Variants in KIAA1958 observed in about 807,000 individuals in gnomAD.
The protein encoded by KIAA1958 is KIAA1958, also known as uncharacterized protein KIAA1958.
A neutral mutation model predicts 47.2 loss-of-function variants in KIAA1958; 14 were observed. The ratio of observed to expected loss-of-function variants is 0.30; its 90% CI spans 0.20 to 0.46. The LOEUF (loss-of-function observed/expected upper bound fraction) is 0.46. KIAA1958 is among the 20% of genes least tolerant of loss of function. The pLI, the probability that KIAA1958 is intolerant of heterozygous loss-of-function variation, is 1.00. For missense variants in KIAA1958, 803 were observed against 909.2 expected, an observed-to-expected ratio of 0.88 and a Z score of 1.50; for synonymous variants, 354 against 353.3, an observed-to-expected ratio of 1.00 and a Z score of -0.02.
In KIAA1958 at chr9:112,575,861, A is replaced by G. The variant is rs554714214; in HGVS notation, c.1171+610A>G. ...GGGAATGGATTGAGAGGAGAATGAA[A>G]TAATTGTACGAGGCCCCTGCACCTG... On this transcript the variant is annotated intron_variant, in intron 2 of 3. Transcript: ENST00000337530. Among the ~76,000 whole-genome samples, 224 of 152,330 alleles carry G rather than the reference A, an allele frequency of 1.5e-3. 1 individual carries two copies. Among genetic ancestry groups the G allele is most frequent in the African/African-American group, 4.9e-3 (202 of 41,568 alleles).
At chr9:112,654,393 CT>C (rs1242544851) in intron 3 of KIAA1958, among the ~76,000 whole-genome samples, 1 of 152,106 alleles carries the variant, frequency 6.6e-6, no homozygotes, top group Non-Finnish European at 1.5e-5. Flanking sequence ...CAGAATCCTT[CT>C]TTTTGGTGTT....
chr9:112,534,418 T>C (rs1029628185), intron 1 of KIAA1958, among the ~76,000 whole-genome samples: 9 of 152,248 alleles, frequency 5.9e-5, no homozygotes, highest in Non-Finnish European at 1.3e-4. Context: ...TTAATTTGCA[T>C]TTTTAATTAG....
chr9:112,547,143 G>A (rs552592222), intron 1 of KIAA1958, among the ~76,000 whole-genome samples: 16 of 151,970 alleles, frequency 1.1e-4, no homozygotes, highest in Non-Finnish European at 1.8e-4. Flanking sequence ...TTGGGAGGCC[G>A]AGGCGGGTAG....
intron 1 of KIAA1958, 109 bp from the exon 2 acceptor site, chr9:112,573,948 T>A: frequency 1.7e-6 from 1 of 603,442 alleles, no homozygotes; most frequent in Non-Finnish European, 2.8e-6. Context: ...AGTTTTGAAG[T>A]GCGTTTTTTT....
intron 2 of KIAA1958, chr9:112,617,770 T>C: frequency 1.1e-6 from 1 of 916,398 alleles, no homozygotes; most frequent in Admixed American, 2.9e-5. Flanking sequence ...GATTCCTCCT[T>C]TCCCTTGTCA....
At chr9:112,621,310 G>C (rs138536173) in intron 2 of KIAA1958, among the ~76,000 whole-genome samples, 9 of 152,084 alleles carry the variant, frequency 5.9e-5, no homozygotes, top group Non-Finnish European at 1.2e-4. Flanking sequence ...TAGTCCTTAC[G>C]GCATCAGACA....
intron 2 of KIAA1958, among the ~76,000 whole-genome samples, chr9:112,633,009 C>T (rs1315965596): frequency 6.6e-6 from 1 of 151,466 alleles, no homozygotes; most frequent in Non-Finnish European, 1.5e-5. Context: ...TTTTCCAGCT[C>T]AACCAATTAT....
At chr9:112,594,589 C>T (rs917175063) in intron 2 of KIAA1958, among the ~76,000 whole-genome samples, 12 of 152,210 alleles carry the variant, frequency 7.9e-5, no homozygotes, top group African/African-American at 2.9e-4. Context: ...TAATATCCCT[C>T]ATACACAGAT....
At chr9:112,606,694 G>C (rs1836242324) in intron 2 of KIAA1958, among the ~76,000 whole-genome samples, 1 of 152,146 alleles carries the variant, frequency 6.6e-6, no homozygotes, top group Non-Finnish European at 1.5e-5. Context: ...TACATTCAAA[G>C]AAAATTTCAA....
At chr9:112,632,750 T>G (rs541835866) in intron 2 of KIAA1958, among the ~76,000 whole-genome samples, 1 of 152,260 alleles carries the variant, frequency 6.6e-6, no homozygotes, top group East Asian at 1.9e-4. Context: ...TCTCCAGTTA[T>G]GTTTATTGTC....
chr9:112,618,386 T>A lies in KIAA1958; in HGVS notation c.1172-27264T>A. 1 of 1,551,164 alleles carries A rather than the reference T, an allele frequency of 6.4e-7. No individual in the cohort carries two copies. The highest frequency in any genetic ancestry group is 8.7e-7 in the Non-Finnish European group (1 of 1,147,122). On this transcript the variant is annotated intron_variant, in intron 2 of 3. Coordinates refer to ENST00000337530, the MANE Select transcript of KIAA1958 (RefSeq NM_133465.4). This position sits in a 1 kb window ranked among gnomAD's most constrained non-coding sequence, Gnocchi z 7.1. ...TGGGCATTGCACAGGCTTCCATGGA[T>A]CTACCTTAAAATGGGGTGATATCCG...
chr9:112,656,318 A>G (rs1837149787), intron 3 of KIAA1958, among the ~76,000 whole-genome samples: 1 of 133,978 alleles, frequency 7.5e-6, no homozygotes, highest in Non-Finnish European at 1.5e-5. Context: ...GGCTGCAGTG[A>G]GCTGAGATCA....
chr9:112,551,784 C>T (rs573338077), intron 1 of KIAA1958, among the ~76,000 whole-genome samples: 2 of 152,316 alleles, frequency 1.3e-5, no homozygotes, highest in Non-Finnish European at 2.9e-5. Flanking sequence ...CCTGTTGTAT[C>T]ATCCTTGAGA....
intron 2 of KIAA1958, among the ~76,000 whole-genome samples, chr9:112,632,235 T>G (rs1836722934): frequency 6.6e-6 from 1 of 152,170 alleles, no homozygotes; most frequent in Non-Finnish European, 1.5e-5. Context: ...CTATGCATAT[T>G]GTCCTAGAGT....
chr9:112,635,212 TTTTGTGTGTGTGTG>T (rs1358383606), intron 2 of KIAA1958, among the ~76,000 whole-genome samples: 1 of 130,436 alleles, frequency 7.7e-6, no homozygotes, highest in African/African-American at 3.1e-5. Flanking sequence ...AGATTCTTTA[TTTTGTGTGTGTGTG>T]TGTGTGTGTG....
intron 1 of KIAA1958, among the ~76,000 whole-genome samples, chr9:112,560,466 A>C (rs1835308828): frequency 6.6e-6 from 1 of 152,114 alleles, no homozygotes; most frequent in Admixed American, 6.5e-5. Context: ...CTGAGATGAC[A>C]GGCATGAGCC....
intron 1 of KIAA1958, among the ~76,000 whole-genome samples, chr9:112,538,613 A>G (rs1834892951): frequency 6.6e-6 from 1 of 152,232 alleles, no homozygotes; most frequent in African/African-American, 2.4e-5. Flanking sequence ...ATGATCATGT[A>G]TGAACCAAAT....
At chr9:112,575,762 A>G (rs554500856) in intron 2 of KIAA1958, among the ~76,000 whole-genome samples, 2 of 152,294 alleles carry the variant, frequency 1.3e-5, no homozygotes, top group South Asian at 4.1e-4. Context: ...ACATTTCTAA[A>G]AGAGGTATTT....
At chr9:112,587,519 T>C (rs1415012396) in intron 2 of KIAA1958, among the ~76,000 whole-genome samples, 1 of 152,222 alleles carries the variant, frequency 6.6e-6, no homozygotes, top group Non-Finnish European at 1.5e-5. Context: ...ATTTTATGCT[T>C]GCTTTAGGTA....
Sources: allele counts gnomAD v4.1 joint callset (sites outside exome capture counted in the v4.1 genomes callset), GRCh38; gene constraint gnomAD v4.1.1; non-coding constraint Gnocchi (gnomAD v3.1); transcripts MANE v1.5; gene names NCBI Gene and HGNC (gene_info 2026-07-23, HGNC 2026-07-21).